Variants in DIP2C observed in about 807,000 individuals in gnomAD.
The protein encoded by DIP2C is DIP2 acetate--CoA ligase C (putative).
A neutral mutation model predicts 192.4 loss-of-function variants in DIP2C; 33 were observed. The ratio of observed to expected loss-of-function variants is 0.17; its 90% CI spans 0.13 to 0.23. DIP2C has a LOEUF of 0.23. DIP2C is among the 10% of genes least tolerant of loss of function. The pLI is 1.00. For missense variants in DIP2C, 1,537 were observed against 2,110.1 expected, an observed-to-expected ratio of 0.73 and a Z score of 5.32; for synonymous variants, 979 against 864.1, an observed-to-expected ratio of 1.13 and a Z score of -2.33.
At chr10:415,929 C>T (rs955314160) in intron 6 of DIP2C, 41 bp from the exon 7 acceptor site, 1 of 1,612,398 alleles carries the variant, frequency 6.2e-7, no homozygotes, top group Non-Finnish European at 8.5e-7. Flanking sequence ...GCGATCATCA[C>T]AGCTTCAATG....
chr10:685,765 C>T (rs1050600378), intron 1 of DIP2C, among the ~76,000 whole-genome samples: 1 of 152,078 alleles, frequency 6.6e-6, no homozygotes, highest in Non-Finnish European at 1.5e-5. Context: ...AGTTCGAGAC[C>T]AGCCTAGCCA....
chr10:513,187 G>GTATA (rs1588354375), intron 1 of DIP2C, among the ~76,000 whole-genome samples: 1 of 128,980 alleles, frequency 7.8e-6, no homozygotes, highest in African/African-American at 2.6e-5. Flanking sequence ...GGTGCTGTAT[G>GTATA]CCTAAATTAT....
At position 379,607 on chromosome 10, in the gene DIP2C, C is replaced by T. The variant is rs527712330; in HGVS notation, c.1991+3040G>A. On this transcript the variant is annotated intron_variant, in intron 17 of 36. Coordinates refer to ENST00000280886, the MANE Select transcript of DIP2C (RefSeq NM_014974.3). ...AGTGCCTCAGCTTCTGATTTATCTA[C>T]TTTTTTGTTTTCTTTTTTGCAGAAG... Among the ~76,000 whole-genome samples the T allele has an allele frequency of 3.9e-5, 6 of 152,316 alleles. No homozygotes were observed. The South Asian group carries it at 8.3e-4, about 21-fold the overall frequency.
intron 1 of DIP2C, among the ~76,000 whole-genome samples, chr10:575,502 G>A (rs1020748559): frequency 2.0e-5 from 3 of 152,206 alleles, no homozygotes; most frequent in Non-Finnish European, 2.9e-5. Flanking sequence ...TCTCAACTTC[G>A]ACAGCGAGCT....
intron 1 of DIP2C, chr10:663,024 ACT>A (rs1856857666): frequency 1.3e-5 from 9 of 686,024 alleles, no homozygotes; most frequent in South Asian, 1.3e-4. Flanking sequence ...TCCAGGAAAG[ACT>A]CTAAACACTC....
chr10:490,719 A>G (rs765858842), intron 1 of DIP2C, among the ~76,000 whole-genome samples: 9 of 152,248 alleles, frequency 5.9e-5, no homozygotes, highest in Non-Finnish European at 1.0e-4. Context: ...CCTCAGTGAG[A>G]AAAATAAGTG....
At chr10:492,697 G>A (rs11252754) in intron 1 of DIP2C, among the ~76,000 whole-genome samples, 59,745 of 152,032 alleles carry the variant, frequency 0.39, 13,417 homozygotes, top group East Asian at 0.66. Context: ...GATCTTACTC[G>A]GGCCAGGCAG....
chr10:361,417 G>T (rs997767928), intron 22 of DIP2C, among the ~76,000 whole-genome samples: 1 of 152,148 alleles, frequency 6.6e-6, no homozygotes, highest in Non-Finnish European at 1.5e-5. Context: ...GGGTTTTCCC[G>T]GTCACTGGGC....
intron 8 of DIP2C, among the ~76,000 whole-genome samples, chr10:413,195 C>A (rs536264564): frequency 9.6e-4 from 146 of 152,304 alleles, no homozygotes; most frequent in African/African-American, 3.3e-3. Flanking sequence ...ACAATCTGCC[C>A]CTCCATGGCC....
chr10:339,158 G>T (rs1455539523), intron 29 of DIP2C, among the ~76,000 whole-genome samples: 3 of 152,072 alleles, frequency 2.0e-5, no homozygotes, highest in Admixed American at 6.5e-5. Context: ...CAGACCTGCT[G>T]AACTGCATGG....
chr10:478,693 A>C (rs1261471353), intron 2 of DIP2C, among the ~76,000 whole-genome samples: 1 of 150,316 alleles, frequency 6.7e-6, no homozygotes, highest in African/African-American at 2.5e-5. Flanking sequence ...TTCCCGTCTT[A>C]TTCTCACTCA....
intron 4 of DIP2C, among the ~76,000 whole-genome samples, chr10:423,284 C>G (rs1966336217): frequency 6.6e-6 from 1 of 152,198 alleles, no homozygotes; most frequent in African/African-American, 2.4e-5. Flanking sequence ...CAGACAAATA[C>G]ACACTGACCC....
intron 14 of DIP2C, among the ~76,000 whole-genome samples, chr10:385,388 A>G (rs1302316816): frequency 6.6e-6 from 1 of 152,212 alleles, no homozygotes; most frequent in East Asian, 1.9e-4. Context: ...CTCCTGACAG[A>G]ATTAAGTAAT....
intron 5 of DIP2C, 77 bp from the exon 6 acceptor site, chr10:419,276 A>G: frequency 6.3e-7 from 1 of 1,596,952 alleles, no homozygotes; most frequent in Non-Finnish European, 8.5e-7. Flanking sequence ...ACAGCCCAGG[A>G]AGAGACTGAA....
In DIP2C at chr10:399,043, C is replaced by A; in HGVS notation, c.1260+66G>T. 2.9e-6 allele frequency: 4 copies of A among 1,387,430 alleles called. No individual in the cohort carries two copies. The Admixed American group carries it at 5.1e-5, about 18-fold the overall frequency. 85.9% of individuals were successfully genotyped at this position (1,387,430 alleles called of 1,614,324 possible). On this transcript the variant is annotated intron_variant, in intron 10 of 36. Coordinates refer to ENST00000280886, the MANE Select transcript of DIP2C (RefSeq NM_014974.3). Reference sequence around the variant, plus strand: ...AACAGCGAGGAGACCCTCACCCAGCCGGGATACAGCCACCGTGAAAGCCAT... The same window carrying A: ...AACAGCGAGGAGACCCTCACCCAGCAGGGATACAGCCACCGTGAAAGCCAT...
chr10:368,281 G>A (rs866184643), intron 18 of DIP2C, among the ~76,000 whole-genome samples: 3 of 152,246 alleles, frequency 2.0e-5, no homozygotes, highest in Admixed American at 6.5e-5. Context: ...TGGGAAGCCC[G>A]CGGTTGTTCT....
At chr10:523,436 T>C (rs112215597) in intron 1 of DIP2C, among the ~76,000 whole-genome samples, 88 of 98,510 alleles carry the variant, frequency 8.9e-4, no homozygotes, top group African/African-American at 1.5e-3. Flanking sequence ...AGGGGCTCTG[T>C]GTCACCCACA....
intron 32 of DIP2C, among the ~76,000 whole-genome samples, chr10:305,652 C>T (rs1462441612): frequency 6.6e-6 from 1 of 152,080 alleles, no homozygotes; most frequent in African/African-American, 2.4e-5. Flanking sequence ...AAAACTGTTC[C>T]TTTTTCTTTT....
chr10:371,544 G>A (rs188558819), intron 17 of DIP2C, among the ~76,000 whole-genome samples: 10 of 152,358 alleles, frequency 6.6e-5, no homozygotes, highest in Admixed American at 2.0e-4. Flanking sequence ...CTCACGTGAC[G>A]ATGGAGGCAG....
Sources: allele counts gnomAD v4.1 joint callset (sites outside exome capture counted in the v4.1 genomes callset), GRCh38; gene constraint gnomAD v4.1.1; transcripts MANE v1.5; gene names NCBI Gene and HGNC (gene_info 2026-07-23, HGNC 2026-07-21).